Variants in EPB41L5 observed in about 807,000 individuals in gnomAD.
EPB41L5 encodes the protein erythrocyte membrane protein band 4.1 like 5.
Under a neutral mutation model 106.6 loss-of-function variants are expected in EPB41L5, and 55 were observed. That is an observed-to-expected ratio of 0.52 (90% CI 0.42 to 0.65). The LOEUF is 0.65. EPB41L5 is among the 30% of genes least tolerant of loss of function. The pLI is 0.00. For missense variants in EPB41L5, 871 were observed against 882.1 expected, an observed-to-expected ratio of 0.99 and a Z score of 0.16; for synonymous variants, 297 against 306.7, an observed-to-expected ratio of 0.97 and a Z score of 0.33.
chr2:120,072,770 G>A (rs566640007), intron 3 of EPB41L5, among the ~76,000 whole-genome samples: 1 of 152,258 alleles, frequency 6.6e-6, no homozygotes, highest in South Asian at 2.1e-4. Context: ...TCACATACTG[G>A]CGCCTGTTGG....
At chr2:120,118,258 A>G (rs1332440140) in intron 16 of EPB41L5, among the ~76,000 whole-genome samples, 1 of 152,238 alleles carries the variant, frequency 6.6e-6, no homozygotes, top group Non-Finnish European at 1.5e-5. Context: ...TTTTCAAGAA[A>G]TTCATCATGG....
In EPB41L5 at chr2:120,068,528, C is replaced by T. The variant is rs189125785; in HGVS notation, c.286-4650C>T. ...CGCTCAGGCTTGGTGAGGGGAGGGG[C>T]GTCCGCCGTTACTGAGGCTTGAGTA... On this transcript the variant is annotated intron_variant, in intron 3 of 24. Transcript: ENST00000263713. Among the ~76,000 whole-genome samples, 31 of 152,256 alleles carry T rather than the reference C, an allele frequency of 2.0e-4. No individual in the cohort carries two copies. The East Asian group carries it at 5.6e-3, about 28-fold the overall frequency.
At chr2:120,119,079 A>G (rs1244568640) in intron 16 of EPB41L5, among the ~76,000 whole-genome samples, 1 of 152,014 alleles carries the variant, frequency 6.6e-6, no homozygotes, top group East Asian at 1.9e-4. Context: ...CATTTCTCTA[A>G]TGATCAGTGA....
intron 2 of EPB41L5, among the ~76,000 whole-genome samples, chr2:120,020,740 C>T (rs529706700): frequency 1.3e-5 from 2 of 151,202 alleles, no homozygotes; most frequent in East Asian, 3.9e-4. Flanking sequence ...AAAGAAATTT[C>T]TTATTACCTA....
At chr2:120,157,985 A>T (rs989676173) in intron 20 of EPB41L5, among the ~76,000 whole-genome samples, 2 of 152,162 alleles carry the variant, frequency 1.3e-5, no homozygotes, top group Non-Finnish European at 2.9e-5. Context: ...TATGCACATA[A>T]ACTAGAAAAT....
At chr2:120,116,906 C>G (rs1684970230) in intron 16 of EPB41L5, among the ~76,000 whole-genome samples, 1 of 151,954 alleles carries the variant, frequency 6.6e-6, no homozygotes, top group African/African-American at 2.4e-5. Context: ...GAAAACAGTA[C>G]CAACTGGGAA....
At chr2:120,033,165 C>T (rs1274917725) in intron 2 of EPB41L5, among the ~76,000 whole-genome samples, 1 of 152,130 alleles carries the variant, frequency 6.6e-6, no homozygotes, top group Non-Finnish European at 1.5e-5. Context: ...TTATCATGAC[C>T]ATGCTTTCCA....
intron 20 of EPB41L5, among the ~76,000 whole-genome samples, chr2:120,156,381 C>T (rs892113623): frequency 7.2e-5 from 11 of 152,192 alleles, no homozygotes; most frequent in African/African-American, 2.7e-4. Flanking sequence ...TGCCCACTCC[C>T]TCCCCACACT....
At chr2:120,042,995 ATGTGTGTGTGTGTGTGTGTGTGTG>A (rs60253351) in intron 3 of EPB41L5, among the ~76,000 whole-genome samples, 1 of 70,028 alleles carries the variant, frequency 1.4e-5, no homozygotes, top group Non-Finnish European at 4.1e-5. Context: ...TTTTCTGGAA[ATGTGTGTGTGTGTGTGTGTGTGTG>A]TGTGTGTGTG....
At chr2:120,136,271 A>G (rs1460591454) in intron 18 of EPB41L5, among the ~76,000 whole-genome samples, 1 of 151,758 alleles carries the variant, frequency 6.6e-6, no homozygotes, top group East Asian at 1.9e-4. Flanking sequence ...TACACAAAGA[A>G]ATAAAAAGCA....
At chr2:120,036,027 AC>A (rs1187708756) in intron 2 of EPB41L5, among the ~76,000 whole-genome samples, 3 of 152,068 alleles carry the variant, frequency 2.0e-5, no homozygotes, top group African/African-American at 7.2e-5. Context: ...TGGAGGTCTT[AC>A]CCCCTGTTCC....
At chr2:120,174,542 T>C (rs1008429110) in intron 24 of EPB41L5, among the ~76,000 whole-genome samples, 26 of 152,072 alleles carry the variant, frequency 1.7e-4, no homozygotes, top group African/African-American at 6.0e-4. Context: ...AGCACTGTTC[T>C]TGATACTCAT....
chr2:120,066,843 C>T (rs1011249596), intron 3 of EPB41L5, among the ~76,000 whole-genome samples: 1 of 152,188 alleles, frequency 6.6e-6, no homozygotes, highest in Non-Finnish European at 1.5e-5. Flanking sequence ...TGATTTGCAT[C>T]AGGCTGTAGT....
chr2:120,169,055 A>AAATT (rs1247333501), intron 24 of EPB41L5, among the ~76,000 whole-genome samples: 1 of 152,244 alleles, frequency 6.6e-6, no homozygotes, highest in Non-Finnish European at 1.5e-5. Flanking sequence ...TTCACATTAA[A>AAATT]AATTACAGAT....
chr2:120,150,138 C>T (rs1686604009), intron 20 of EPB41L5, among the ~76,000 whole-genome samples: 1 of 152,050 alleles, frequency 6.6e-6, no homozygotes, highest in Admixed American at 6.6e-5. Context: ...CTCAAGCGAG[C>T]CTCCCATCCC....
At chr2:120,086,012 A>G (rs936532124) in intron 10 of EPB41L5, among the ~76,000 whole-genome samples, 3 of 152,044 alleles carry the variant, frequency 2.0e-5, no homozygotes, top group African/African-American at 7.2e-5. Flanking sequence ...CCTGGCCAAC[A>G]TGGTGAAAAC....
At chr2:120,164,143 C>G (rs1398964483) in intron 21 of EPB41L5, among the ~76,000 whole-genome samples, 2 of 151,726 alleles carry the variant, frequency 1.3e-5, no homozygotes, top group Admixed American at 1.3e-4. Context: ...CAACCACGCC[C>G]AGCTAATTTT....
At chr2:120,120,475 A>C (rs893624278) in intron 16 of EPB41L5, among the ~76,000 whole-genome samples, 1 of 151,496 alleles carries the variant, frequency 6.6e-6, no homozygotes, top group Non-Finnish European at 1.5e-5. Context: ...AAAAAGAAAA[A>C]AAAGCTGTGG....
intron 16 of EPB41L5, among the ~76,000 whole-genome samples, chr2:120,115,991 A>G (rs931352194): frequency 4.5e-4 from 68 of 151,810 alleles, no homozygotes; most frequent in African/African-American, 1.6e-3. Context: ...TTGTATTTTT[A>G]GTAGAGACAG....
Sources: allele counts gnomAD v4.1 joint callset (sites outside exome capture counted in the v4.1 genomes callset), GRCh38; gene constraint gnomAD v4.1.1; transcripts MANE v1.5; gene names NCBI Gene and HGNC (gene_info 2026-07-23, HGNC 2026-07-21).